OLA1: variants seen among roughly 807,000 people sequenced by gnomAD.
OLA1 encodes the protein obg-like ATPase 1.
In OLA1, 14 loss-of-function variants were observed where a neutral mutation model predicts 48.4. That is an observed-to-expected ratio of 0.29 (90% CI 0.19 to 0.45). The LOEUF (loss-of-function observed/expected upper bound fraction) is 0.45. OLA1 is among the 20% of genes least tolerant of loss of function. The pLI is 1.00. For synonymous variants in OLA1, 127 were observed against 150.4 expected (o/e 0.84, Z 1.14); for missense variants, 325 against 467.1 (o/e 0.70, Z 2.80).
At chr2:174,246,644 G>T in intron 2 of OLA1, 71 bp downstream of exon 2, 1 of 987,144 alleles carries the variant, frequency 1.0e-6, no homozygotes, top group Non-Finnish European at 1.6e-6. Context: ...TTACCTCACG[G>T]TTCCCATTTC....
At chr2:174,195,988 T>C (rs1574543705) in intron 4 of OLA1, among the ~76,000 whole-genome samples, 1 of 152,102 alleles carries the variant, frequency 6.6e-6, no homozygotes, top group African/African-American at 2.4e-5. Context: ...TCAAATAAAT[T>C]ATAACCAGGA....
chr2:174,146,006 T>A (rs1008651978), intron 4 of OLA1, among the ~76,000 whole-genome samples: 1 of 152,182 alleles, frequency 6.6e-6, no homozygotes, highest in African/African-American at 2.4e-5. Context: ...TGAGATGACA[T>A]CTGAGCCAAA....
intron 7 of OLA1, among the ~76,000 whole-genome samples, chr2:174,120,672 A>G (rs1411600886): frequency 6.6e-6 from 1 of 152,194 alleles, no homozygotes; most frequent in Non-Finnish European, 1.5e-5. Context: ...ATAACACAAT[A>G]GACTTATCTT....
intron 3 of OLA1, among the ~76,000 whole-genome samples, chr2:174,227,064 A>G (rs1688631122): frequency 6.6e-6 from 1 of 152,004 alleles, no homozygotes; most frequent in South Asian, 2.1e-4. Context: ...ACTGCACTCC[A>G]GCCTGGGCAA....
At chr2:174,242,216 C>T (rs76712269) in intron 2 of OLA1, among the ~76,000 whole-genome samples, 5,158 of 152,278 alleles carry the variant, frequency 0.034, 121 homozygotes, top group Non-Finnish European at 0.05. Context: ...GCCAATTTTT[C>T]CACGGACCAA....
intron 7 of OLA1, among the ~76,000 whole-genome samples, chr2:174,083,319 A>C (rs753645858): frequency 8.5e-5 from 13 of 152,170 alleles, no homozygotes; most frequent in Non-Finnish European, 1.5e-4. Flanking sequence ...GCAGGGGAGC[A>C]GAGTTATTAG....
intron 4 of OLA1, among the ~76,000 whole-genome samples, chr2:174,218,639 C>T (rs1391916954): frequency 6.6e-6 from 1 of 152,200 alleles, no homozygotes; most frequent in African/African-American, 2.4e-5. Flanking sequence ...TTTCTACTAT[C>T]TTGCATGTCC....
chr2:174,099,677 ATAAAT>A, intron 7 of OLA1, among the ~76,000 whole-genome samples: 1 of 152,354 alleles, frequency 6.6e-6, no homozygotes, highest in Non-Finnish European at 1.5e-5. Flanking sequence ...CTGTTTACAT[ATAAAT>A]TAATTCACTT....
intron 8 of OLA1, among the ~76,000 whole-genome samples, chr2:174,081,721 A>G (rs943517981): frequency 3.3e-5 from 5 of 152,132 alleles, no homozygotes; most frequent in African/African-American, 9.7e-5. Flanking sequence ...TATAATTAAA[A>G]CACTGTACGG....
chr2:174,159,249 T>C (rs781575871), intron 4 of OLA1, among the ~76,000 whole-genome samples: 1 of 152,230 alleles, frequency 6.6e-6, no homozygotes, highest in Non-Finnish European at 1.5e-5. Context: ...TTTTATGATA[T>C]AGCATATGAA....
chr2:174,083,497 C>CA (rs1558945340), intron 7 of OLA1, among the ~76,000 whole-genome samples: 1 of 151,718 alleles, frequency 6.6e-6, no homozygotes. Flanking sequence ...GTTCATATCC[C>CA]AAAAAATGGA....
chr2:174,243,849 C>G (rs1689064939), intron 2 of OLA1, among the ~76,000 whole-genome samples: 1 of 152,162 alleles, frequency 6.6e-6, no homozygotes, highest in Non-Finnish European at 1.5e-5. Context: ...AGCTAAAAAC[C>G]AAGAGATTCT....
chr2:174,233,017 G>A (rs1227167554), intron 2 of OLA1, among the ~76,000 whole-genome samples: 2 of 152,146 alleles, frequency 1.3e-5, no homozygotes, highest in African/African-American at 2.4e-5. Flanking sequence ...ACATTACTCA[G>A]CCCTTAAAAA....
In OLA1 at chr2:174,141,996, A is replaced by G; in HGVS notation, c.378T>C (p.Ala126=). The change falls in exon 5 of 11, where the codon GCT becomes GCC. Residue 126 remains alanine (A), a synonymous_variant. Transcript: ENST00000284719. ...ACDGIFHLTR[A]FEDDDITHVE... is the part of the protein sequence containing the mutation. ...CGTGCGTGATATCATCATCTTCAAA[A>G]GCACCTAAAATGAATTAAAGGGAAG... 1 of 1,613,188 alleles carries G rather than the reference A, an allele frequency of 6.2e-7. No homozygotes were observed. Among genetic ancestry groups the G allele is most frequent in the Non-Finnish European group, 8.5e-7 (1 of 1,179,586 alleles).
chr2:174,158,373 G>T (rs1381188524), intron 4 of OLA1, among the ~76,000 whole-genome samples: 2 of 151,914 alleles, frequency 1.3e-5, no homozygotes. Flanking sequence ...GTACAGAAGG[G>T]GTGGTTATTG....
chr2:174,124,653 T>A (rs1045787322), intron 5 of OLA1, among the ~76,000 whole-genome samples: 2 of 152,242 alleles, frequency 1.3e-5, no homozygotes, highest in African/African-American at 2.4e-5. Flanking sequence ...GTGTCTGTTG[T>A]TGTTGTTACT....
chr2:174,237,675 G>A (rs1688890340), intron 2 of OLA1, among the ~76,000 whole-genome samples: 1 of 152,144 alleles, frequency 6.6e-6, no homozygotes, highest in South Asian at 2.1e-4. Flanking sequence ...GATTGCTTGA[G>A]CCCAGGAGCT....
intron 4 of OLA1, among the ~76,000 whole-genome samples, chr2:174,165,689 A>G (rs1312587565): frequency 6.6e-6 from 1 of 152,242 alleles, no homozygotes; most frequent in African/African-American, 2.4e-5. Flanking sequence ...TATCATATGC[A>G]AGAGTATCAC....
chr2:174,150,316 C>A (rs1686714012), intron 4 of OLA1, among the ~76,000 whole-genome samples: 1 of 152,202 alleles, frequency 6.6e-6, no homozygotes, highest in Non-Finnish European at 1.5e-5. Flanking sequence ...GCTGTGCTGC[C>A]TTGGGACTCT....
Sources: gnomAD v4.1 joint callset for allele counts (sites outside exome capture counted in the v4.1 genomes callset) on GRCh38, gnomAD v4.1.1 for gene constraint, MANE v1.5 for transcripts, NCBI Gene and HGNC (gene_info 2026-07-23, HGNC 2026-07-21) for gene names.